BMP2K: variants seen among roughly 807,000 people sequenced by gnomAD.
BMP2K encodes the protein BMP-2-inducible protein kinase.
BMP2K carries 74 observed loss-of-function variants against 116.0 expected under a neutral mutation model. The ratio of observed to expected loss-of-function variants is 0.64; its 90% CI spans 0.53 to 0.77. BMP2K has a LOEUF of 0.77. BMP2K is among the 30% of genes least tolerant of loss of function. The probability of loss-of-function intolerance (pLI) is 0.00; values close to 1 mark genes in which losing one functional copy is unlikely to be tolerated. For missense variants in BMP2K, 1,365 were observed against 1,403.6 expected (o/e 0.97, Z 0.44); for synonymous variants, 486 against 502.5 (o/e 0.97, Z 0.44).
At chr4:78,838,338 T>G (rs1730594235) in intron 3 of BMP2K, among the ~76,000 whole-genome samples, 1 of 152,190 alleles carries the variant, frequency 6.6e-6, no homozygotes. Context: ...AAACCATGCT[T>G]TCTCTTTTTT....
At chr4:78,815,716 C>T (rs961137346) in intron 1 of BMP2K, among the ~76,000 whole-genome samples, 4 of 152,016 alleles carry the variant, frequency 2.6e-5, no homozygotes, top group African/African-American at 9.7e-5. Flanking sequence ...TACATTTTTA[C>T]AACATGTGGG....
chr4:78,841,660 C>T (rs962632255), intron 3 of BMP2K, among the ~76,000 whole-genome samples: 2 of 152,120 alleles, frequency 1.3e-5, no homozygotes, highest in Non-Finnish European at 2.9e-5. Flanking sequence ...TTGCCAGTCT[C>T]ATCTCACCTT....
In BMP2K at chr4:78,887,181, C is replaced by T. The variant is rs1408901440; in HGVS notation, c.1959C>T (p.Leu653=). 7 of 1,600,086 alleles carry T rather than the reference C, an allele frequency of 4.4e-6. No individual in the cohort carries two copies. The highest frequency in any genetic ancestry group is 3.4e-5 in the Admixed American group (2 of 58,522). Residue 653 remains leucine (L), a synonymous_variant, in exon 15 of 16, where the codon CTC becomes CTT. Coordinates refer to ENST00000502613, the MANE Select transcript of BMP2K (RefSeq NM_198892.2). ...TTCATCTTATTTTTGCAGATAGGCT[C>T]GAGGAGAGAGCATCCTCAGATAAGA... The part of the protein sequence containing the change: ...REFDLLRSNR[L]EERASSDKNV...
rs1171884193 is a variant in BMP2K at position 78,911,150 on chromosome 4, C to G, written c.2603C>G (p.Ala868Gly). 15 of 1,613,890 alleles carry G rather than the reference C, an allele frequency of 9.3e-6. No homozygotes were observed. Among genetic ancestry groups the G allele is most frequent in the African/African-American group, 1.3e-5 (1 of 75,034 alleles). ...FGAVPFFAVRAQQPQQEKNEK... is the reference protein window; with the variant it reads ...FGAVPFFAVRGQQPQQEKNEK... The stretch of plus-strand genomic sequence containing the variant: ...GCTGTCCCCTTCTTTGCAGTGCGTG[C>G]TCAACAGCCCCAGCAAGAAAAGAAT... Residue 868 changes from alanine to glycine, a missense_variant, in exon 16 of 16, where the codon GCT becomes GGT. Around this residue, in one of 3 missense-constraint regions of BMP2K, gnomAD observed 596 missense variants for 623.2 expected, o/e 0.96. Coordinates refer to ENST00000502613, the MANE Select transcript of BMP2K (RefSeq NM_198892.2).
intron 1 of BMP2K, among the ~76,000 whole-genome samples, chr4:78,819,027 C>G (rs1479018131): frequency 6.6e-6 from 1 of 151,938 alleles, no homozygotes; most frequent in East Asian, 1.9e-4. Flanking sequence ...GGTTTTGAAG[C>G]AATAAGCACT....
intron 1 of BMP2K, among the ~76,000 whole-genome samples, chr4:78,788,423 G>A (rs999261708): frequency 1.9e-4 from 28 of 150,988 alleles, no homozygotes; most frequent in Middle Eastern, 3.4e-3. Flanking sequence ...ATTGAAATTG[G>A]AATAGATCCT....
intron 4 of BMP2K, 28 bp from the exon 5 acceptor site, chr4:78,844,899 CT>C: frequency 6.5e-7 from 1 of 1,541,690 alleles, no homozygotes; most frequent in Non-Finnish European, 8.9e-7. Flanking sequence ...TTTGAAAATA[CT>C]ACTCATTATT....
chr4:78,794,999 G>A (rs1244194578), intron 1 of BMP2K, among the ~76,000 whole-genome samples: 1 of 152,134 alleles, frequency 6.6e-6, no homozygotes. Flanking sequence ...TGCTGTGTAT[G>A]CAGTAGATTC....
At chr4:78,804,049 C>A (rs1353067346) in intron 1 of BMP2K, among the ~76,000 whole-genome samples, 2 of 152,144 alleles carry the variant, frequency 1.3e-5, no homozygotes, top group South Asian at 2.1e-4. Context: ...TTGTGAAACA[C>A]CACCACTAAT....
At chr4:78,868,386 T>C (rs756321632) in intron 10 of BMP2K, among the ~76,000 whole-genome samples, 24 of 152,144 alleles carry the variant, frequency 1.6e-4, no homozygotes, top group Non-Finnish European at 2.9e-4. Context: ...TCCTACAACA[T>C]GGGAATTCTG....
intron 1 of BMP2K, among the ~76,000 whole-genome samples, chr4:78,812,000 T>C (rs1432993370): frequency 2.0e-5 from 3 of 151,798 alleles, no homozygotes; most frequent in African/African-American, 4.8e-5. Flanking sequence ...AAAGACAGAG[T>C]CTCGCTCTTA....
chr4:78,896,031 T>C (rs1203843819), intron 15 of BMP2K, among the ~76,000 whole-genome samples: 1 of 152,192 alleles, frequency 6.6e-6, no homozygotes, highest in Non-Finnish European at 1.5e-5. Flanking sequence ...AATGCTGGGA[T>C]TACAGGCGTG....
At chr4:78,832,933 A>G (rs1397360159) in intron 2 of BMP2K, among the ~76,000 whole-genome samples, 2 of 151,956 alleles carry the variant, frequency 1.3e-5, no homozygotes, top group Non-Finnish European at 2.9e-5. Flanking sequence ...AATATTTTTA[A>G]TAGTTGTTTT....
intron 10 of BMP2K, among the ~76,000 whole-genome samples, chr4:78,867,674 G>T (rs746182340): frequency 1.3e-5 from 2 of 152,096 alleles, no homozygotes; most frequent in South Asian, 4.1e-4. Flanking sequence ...TCTTCCCAGA[G>T]TTAACCAGCG....
intron 7 of BMP2K, among the ~76,000 whole-genome samples, chr4:78,856,616 C>T (rs2110040152): frequency 6.6e-6 from 1 of 151,948 alleles, no homozygotes; most frequent in Non-Finnish European, 1.5e-5. Flanking sequence ...GATTATTCAT[C>T]TTTTCATACT....
chr4:78,901,379 T>C (rs1284123494), intron 15 of BMP2K, among the ~76,000 whole-genome samples: 1 of 152,116 alleles, frequency 6.6e-6, no homozygotes, highest in Non-Finnish European at 1.5e-5. Context: ...TTGTAAAATT[T>C]ATCTTAAATT....
chr4:78,850,816 T>G, intron 6 of BMP2K, 108 bp from the exon 7 acceptor site: 1 of 1,032,000 alleles, frequency 9.7e-7, no homozygotes. Context: ...GTAAAAAGAT[T>G]GCTGCAGTAT....
chr4:78,835,400 T>A (rs1042804444), intron 3 of BMP2K, among the ~76,000 whole-genome samples: 2 of 151,368 alleles, frequency 1.3e-5, no homozygotes, highest in South Asian at 4.2e-4. Flanking sequence ...CAGAGGCGGG[T>A]TGATCACAAG....
intron 2 of BMP2K, among the ~76,000 whole-genome samples, chr4:78,829,104 T>C (rs1355281280): frequency 2.0e-5 from 3 of 152,228 alleles, no homozygotes; most frequent in East Asian, 1.9e-4. Flanking sequence ...ATCAGTTGAC[T>C]TTTCCTTTCA....
Sources: gnomAD v4.1 joint callset for allele counts (sites outside exome capture counted in the v4.1 genomes callset) on GRCh38, gnomAD v4.1.1 for gene constraint, gnomAD v4.1.1 regional missense constraint, MANE v1.5 for transcripts, NCBI Gene and HGNC (gene_info 2026-07-23, HGNC 2026-07-21) for gene names.